The following UGGT2 variants were observed in gnomAD, a reference collection of about 807,000 sequenced individuals.
The protein encoded by UGGT2 is UDP-glucose glycoprotein glucosyltransferase 2.
A neutral mutation model predicts 192.1 loss-of-function variants in UGGT2; 180 were observed. That is an observed-to-expected ratio of 0.94 (90% CI 0.83 to 1.06). The LOEUF is 1.06. Among genes scored for constraint, UGGT2 ranks in the 50% least tolerant of loss-of-function variants. The pLI is 0.00. For missense variants in UGGT2, 1,849 were observed against 1,795.7 expected (o/e 1.03, Z -0.54); for synonymous variants, 580 against 591.0 (o/e 0.98, Z 0.27).
At chr13:95,994,754 G>A (rs940844865) in intron 7 of UGGT2, among the ~76,000 whole-genome samples, 1 of 151,982 alleles carries the variant, frequency 6.6e-6, no homozygotes, top group Non-Finnish European at 1.5e-5. Flanking sequence ...AATTTGTATG[G>A]TGATAGCACC....
chr13:95,858,723 T>C (rs1455652946), intron 33 of UGGT2, among the ~76,000 whole-genome samples: 2 of 152,156 alleles, frequency 1.3e-5, no homozygotes, highest in Non-Finnish European at 2.9e-5. Context: ...TATAAATCCT[T>C]ATAGTAAGTT....
chr13:95,901,915 AC>A (rs1378740409), intron 21 of UGGT2, among the ~76,000 whole-genome samples: 1 of 151,976 alleles, frequency 6.6e-6, no homozygotes, highest in African/African-American at 2.4e-5. Context: ...CCATTTATTC[AC>A]TGTCTATCAT....
chr13:96,042,471 C>CA (rs1188424972), intron 1 of UGGT2, among the ~76,000 whole-genome samples: 9 of 152,018 alleles, frequency 5.9e-5, no homozygotes, highest in Middle Eastern at 3.4e-3. Context: ...TAACACCCCC[C>CA]AAAAAAATCA....
chr13:95,950,114 T>G (rs2050008980), intron 12 of UGGT2, among the ~76,000 whole-genome samples: 1 of 152,086 alleles, frequency 6.6e-6, no homozygotes, highest in Admixed American at 6.6e-5. Flanking sequence ...GCTGCCAAAG[T>G]GCTGAGATTT....
intron 1 of UGGT2, among the ~76,000 whole-genome samples, chr13:96,050,734 C>G (rs2053459821): frequency 6.6e-6 from 1 of 152,168 alleles, no homozygotes; most frequent in Admixed American, 6.5e-5. Context: ...TGAAAAAATT[C>G]TCATCATCAC....
chr13:95,819,471 A>AG (rs1346283814), intron 38 of UGGT2, among the ~76,000 whole-genome samples: 3 of 151,680 alleles, frequency 2.0e-5, no homozygotes, highest in Non-Finnish European at 2.9e-5. Flanking sequence ...AATAAAATAG[A>AG]CCTTATATAT....
chr13:95,947,260 T>A, intron 14 of UGGT2, 88 bp from the exon 15 acceptor site: 1 of 1,273,010 alleles, frequency 7.9e-7, no homozygotes, highest in East Asian at 2.5e-5. Context: ...GACTACAATA[T>A]CTAGATGGAG....
intron 29 of UGGT2, among the ~76,000 whole-genome samples, chr13:95,874,103 T>C (rs917740529): frequency 6.6e-6 from 1 of 152,180 alleles, no homozygotes; most frequent in Admixed American, 6.5e-5. Flanking sequence ...TTATCTCCAA[T>C]ACTTGTCCTT....
chr13:95,822,042 C>T (rs1369980019), intron 38 of UGGT2, among the ~76,000 whole-genome samples: 1 of 151,976 alleles, frequency 6.6e-6, no homozygotes, highest in African/African-American at 2.4e-5. Context: ...TTTAGCTATT[C>T]AGGCTCTTTT....
rs573327896 is a variant in UGGT2, at chr13:96,050,206, T to C, written c.158+2949A>G. On this transcript the variant is annotated intron_variant, in intron 1 of 38. Transcript: ENST00000376747. ...CTACAACCATCTGATCTTTGACAAA[T>C]CTGACAAAAACAAGAAATGGGGAAA... is the stretch of plus-strand genomic sequence containing the variant. Among the ~76,000 whole-genome samples the C allele has an allele frequency of 2.0e-4, 30 of 152,068 alleles. 1 individual carries two copies. The highest frequency in any genetic ancestry group is 1.3e-3 in the Admixed American group (20 of 15,274).
rs1296005689 is a variant in UGGT2 at position 95,890,924 on chromosome 13, T to C, written c.2896A>G (p.Asn966Asp). The change falls in exon 25 of 39, where the codon AAT becomes GAT. Residue 966 changes from asparagine to aspartate, a missense_variant. By Grantham distance (23) the Asn-to-Asp change is conservative. Coordinates refer to ENST00000376747, the MANE Select transcript of UGGT2 (RefSeq NM_020121.4). ...TNPQENDMFF[N>D]VIAIVDPLTR... ...AATGGATCAACAATAGCAATGACATTGAAGAACATATCATTCTCTTGAGGA... is the reference window on the plus strand; with the variant it reads ...AATGGATCAACAATAGCAATGACATCGAAGAACATATCATTCTCTTGAGGA... The C allele has an allele frequency of 1.9e-6, 3 of 1,612,734 alleles. No individual in the cohort carries two copies. The African/African-American group carries it at 4.0e-5, about 22-fold the overall frequency.
At chr13:95,972,902 G>A (rs1057322029) in intron 10 of UGGT2, among the ~76,000 whole-genome samples, 2 of 152,236 alleles carry the variant, frequency 1.3e-5, no homozygotes, top group Admixed American at 6.5e-5. Flanking sequence ...CAGGCGTGGC[G>A]GCTTACGCCT....
At chr13:95,927,803 G>A (rs565728060) in intron 17 of UGGT2, among the ~76,000 whole-genome samples, 2 of 152,232 alleles carry the variant, frequency 1.3e-5, no homozygotes, top group Admixed American at 1.3e-4. Context: ...CTAGGCAGAG[G>A]GCCCTGCCGC....
At chr13:96,015,602 T>C (rs2139082921) in intron 4 of UGGT2, among the ~76,000 whole-genome samples, 1 of 152,320 alleles carries the variant, frequency 6.6e-6, no homozygotes, top group African/African-American at 2.4e-5. Flanking sequence ...TATTTAAAAG[T>C]AGCAATTTAC....
At chr13:95,959,891 G>A (rs1441284859) in intron 12 of UGGT2, among the ~76,000 whole-genome samples, 1 of 152,120 alleles carries the variant, frequency 6.6e-6, no homozygotes, top group Non-Finnish European at 1.5e-5. Flanking sequence ...GCCACCCATA[G>A]GGCCCTAAGT....
intron 38 of UGGT2, among the ~76,000 whole-genome samples, chr13:95,821,926 T>C (rs917408203): frequency 2.6e-5 from 4 of 152,192 alleles, no homozygotes; most frequent in African/African-American, 9.6e-5. Context: ...TCTACATGCC[T>C]ATTTTTATAC....
Position 95,947,077 on chromosome 13 carries a change from T to C in UGGT2, c.1637A>G (p.Glu546Gly). The C allele has an allele frequency of 6.8e-6, 11 of 1,608,712 alleles. No homozygotes were observed. Among genetic ancestry groups the C allele is most frequent in the Non-Finnish European group, 9.3e-6 (11 of 1,178,614 alleles). ...ALWRAFNYIAEEFDISEAFIS... is the reference protein window; with the variant it reads ...ALWRAFNYIAGEFDISEAFIS... ...AAATGCTTCTGATATATCAAATTCTTCTGCAATATAGTTGAAAGCTCGCCA... is the reference window on the plus strand; with the variant it reads ...AAATGCTTCTGATATATCAAATTCTCCTGCAATATAGTTGAAAGCTCGCCA... The change falls in exon 15 of 39, where the codon GAA becomes GGA. Residue 546 changes from glutamate (E) to glycine (G), a missense_variant. By Grantham distance (98) the Glu-to-Gly change is moderately conservative. Transcript: ENST00000376747.
chr13:95,897,838 T>C (rs2047990984), intron 22 of UGGT2, among the ~76,000 whole-genome samples: 1 of 152,194 alleles, frequency 6.6e-6, no homozygotes, highest in Non-Finnish European at 1.5e-5. Context: ...TGACTTAATA[T>C]CTATCTCCAG....
chr13:95,977,205 T>G lies in UGGT2; in HGVS notation c.1093-4534A>C, dbSNP rs950713030. Among the ~76,000 whole-genome samples, 3 of 152,098 alleles carry G rather than the reference T, an allele frequency of 2.0e-5. No individual in the cohort carries two copies. In the South Asian group the frequency reaches 6.2e-4, roughly 32 times the overall value. On this transcript the variant is annotated intron_variant, in intron 10 of 38. Transcript: ENST00000376747. The stretch of plus-strand genomic sequence containing the variant: ...CAAAAGCCAAAATTGACTAATGGGA[T>G]CTAATCAAACTACAGAGCTTCTGCA...
Sources: allele counts gnomAD v4.1 joint callset (sites outside exome capture counted in the v4.1 genomes callset), GRCh38; gene constraint gnomAD v4.1.1; transcripts MANE v1.5; gene names NCBI Gene and HGNC (gene_info 2026-07-23, HGNC 2026-07-21).